SLC28A2: variants seen among roughly 807,000 people sequenced by gnomAD.
SLC28A2 encodes the protein sodium/nucleoside cotransporter 2.
Under a neutral mutation model 72.9 loss-of-function variants are expected in SLC28A2, and 69 were observed. The ratio of observed to expected loss-of-function variants is 0.95; its 90% CI spans 0.78 to 1.16. SLC28A2 has a LOEUF of 1.16. Among genes scored for constraint, SLC28A2 ranks in the 50% most tolerant of loss-of-function variants. The pLI, the probability that SLC28A2 is intolerant of heterozygous loss-of-function variation, is 0.00. For synonymous variants in SLC28A2, 296 were observed against 294.1 expected, an observed-to-expected ratio of 1.01 and a Z score of -0.07; for missense variants, 745 against 791.1, an observed-to-expected ratio of 0.94 and a Z score of 0.70.
chr15:45,254,502 C>T (rs1899911788), intron 3 of SLC28A2, among the ~76,000 whole-genome samples: 3 of 152,300 alleles, frequency 2.0e-5, no homozygotes, highest in Admixed American at 6.5e-5. Context: ...AACAGATTTG[C>T]AGCCTAAGAA....
chr15:45,262,778 G>C (rs1900201078), intron 4 of SLC28A2, among the ~76,000 whole-genome samples: 1 of 152,214 alleles, frequency 6.6e-6, no homozygotes, highest in Non-Finnish European at 1.5e-5. Flanking sequence ...GGGACAGAGA[G>C]AGGATATTAG....
At position 45,272,725 on chromosome 15, in the gene SLC28A2, C is replaced by T. The variant is rs779843472; in HGVS notation, c.1800C>T (p.Asn600=). Residue 600 remains asparagine, a synonymous_variant, in exon 17 of 18, where the codon AAC becomes AAT. Coordinates refer to ENST00000347644, the MANE Select transcript of SLC28A2 (RefSeq NM_004212.4). ...AAGCTGACTGTGTCTCCTTCCCAAACACAAGTTTCACCAATAGAACCTATG... is the reference window on the plus strand; with the variant it reads ...AAGCTGACTGTGTCTCCTTCCCAAATACAAGTTTCACCAATAGAACCTATG... The part of the protein sequence containing the change: ...GAEADCVSFP[N]TSFTNRTYET... 1 of 1,613,410 alleles carries T rather than the reference C, an allele frequency of 6.2e-7. No individual in the cohort carries two copies. The highest frequency in any genetic ancestry group is 8.5e-7 in the Non-Finnish European group (1 of 1,179,346).
intron 15 of SLC28A2, 143 bp downstream of exon 15, chr15:45,270,419 C>CT: frequency 3.0e-6 from 2 of 658,392 alleles, no homozygotes; most frequent in Non-Finnish European, 5.5e-6. Flanking sequence ...CTGCAGTTAA[C>CT]TTGGACCTAA....
intron 3 of SLC28A2, chr15:45,255,306 A>G (rs751948163): frequency 1.3e-5 from 2 of 152,020 alleles, no homozygotes; most frequent in Non-Finnish European, 2.9e-5. Context: ...TTTGCAATGA[A>G]TGTTGGTTAA....
chr15:45,274,722 T>C (rs1040930361), intron 17 of SLC28A2, among the ~76,000 whole-genome samples: 1 of 151,950 alleles, frequency 6.6e-6, no homozygotes, highest in African/African-American at 2.4e-5. Flanking sequence ...GGATTCATCA[T>C]TGCTCTGGCA....
rs186090209 is a variant in SLC28A2 at position 45,265,345 on chromosome 15, A to T, written c.780+179A>T. Among the ~76,000 whole-genome samples, 16 of 152,332 alleles carry T rather than the reference A, an allele frequency of 1.1e-4. No homozygotes were observed. In the East Asian group the frequency reaches 3.1e-3, roughly 29 times the overall value. ...TATCTTCTTCCCTGTGGTCATTGCC[A>T]TCATAAAATTAGATGAAATGAGAAT... On this transcript the variant is annotated intron_variant, in intron 8 of 17. Coordinates refer to ENST00000347644, the MANE Select transcript of SLC28A2 (RefSeq NM_004212.4).
At position 45,265,613 on chromosome 15, in the gene SLC28A2, G is replaced by A. The variant is rs528223412; in HGVS notation, c.811G>A (p.Val271Met). The A allele has an allele frequency of 1.9e-6, 3 of 1,613,654 alleles. No homozygotes were observed. Among genetic ancestry groups the A allele is most frequent in the African/African-American group, 2.7e-5 (2 of 75,014 alleles). ...ACCAATCATCATTTTCTTTGGATGTGTGGTGTCCATTCTCTACTACCTGGG... is the reference window on the plus strand; with the variant it reads ...ACCAATCATCATTTTCTTTGGATGTATGGTGTCCATTCTCTACTACCTGGG... The part of the protein sequence containing the change: ...ALPIIIFFGC[V>M]VSILYYLGLV... The change falls in exon 9 of 18, where the codon GTG becomes ATG. Residue 271 changes from valine to methionine, a missense_variant. By Grantham distance (21) the Val-to-Met change is conservative. Transcript: ENST00000347644.
At chr15:45,264,792 C>G in intron 7 of SLC28A2, 24 bp downstream of exon 7, 1 of 1,411,376 alleles carries the variant, frequency 7.1e-7, no homozygotes, top group Non-Finnish European at 1.0e-6. Context: ...AATGCGAGGG[C>G]TTTTCTCTTT....
intron 13 of SLC28A2, among the ~76,000 whole-genome samples, 166 bp downstream of exon 13, chr15:45,268,544 T>C (rs915761418): frequency 2.0e-5 from 3 of 152,100 alleles, no homozygotes; most frequent in East Asian, 1.9e-4. Context: ...TGTGGAGAAA[T>C]AGGAACACTT....
At chr15:45,269,216 C>A (rs892437741) in intron 13 of SLC28A2, 122 bp from the exon 14 acceptor site, 4 of 752,578 alleles carry the variant, frequency 5.3e-6, no homozygotes, top group African/African-American at 5.3e-5. Flanking sequence ...CCACAGTAAG[C>A]CAAGAGAGAG....
At chr15:45,275,307 T>A (rs760086017) in intron 17 of SLC28A2, 89 bp from the exon 18 acceptor site, 1 of 764,586 alleles carries the variant, frequency 1.3e-6, no homozygotes, top group East Asian at 2.5e-5. Flanking sequence ...TTTGTTTTTG[T>A]TTTCAGCTGC....
chr15:45,257,277 C>G (rs1206324057), intron 3 of SLC28A2, among the ~76,000 whole-genome samples: 1 of 152,198 alleles, frequency 6.6e-6, no homozygotes, highest in African/African-American at 2.4e-5. Flanking sequence ...ACTAAAAGGT[C>G]CCTTCTTTCT....
chr15:45,267,727 C>T lies in SLC28A2; in HGVS notation c.1130C>T (p.Ser377Leu). ...VMAAPCALAS[S>L]KLAYPEVEES... Reference sequence around the variant, plus strand: ...GCCGCCCCTTGTGCTCTCGCCTCATCAAAGCTAGCGTATCCGGAAGTGGAG... The same window carrying T: ...GCCGCCCCTTGTGCTCTCGCCTCATTAAAGCTAGCGTATCCGGAAGTGGAG... Residue 377 changes from serine to leucine, a missense_variant, in exon 12 of 18, where the codon TCA becomes TTA. Transcript: ENST00000347644. 3 of 1,614,000 alleles carry T rather than the reference C, an allele frequency of 1.9e-6. No homozygotes were observed. Among genetic ancestry groups the T allele is most frequent in the Middle Eastern group, 1.6e-4 (1 of 6,084 alleles).
At chr15:45,265,746 T>C (rs530503700) in intron 9 of SLC28A2, 83 bp downstream of exon 9, 3 of 934,916 alleles carry the variant, frequency 3.2e-6, no homozygotes, top group Admixed American at 1.8e-5. Flanking sequence ...ATAGCTAAGG[T>C]CTAGAGTGTT....
Position 45,263,168 on chromosome 15 carries a change from A to G in SLC28A2, c.370A>G (p.Lys124Glu). 6.2e-7 allele frequency: 1 copy of G among 1,614,026 alleles called. No homozygotes were observed. Among genetic ancestry groups the G allele is most frequent in the African/African-American group, 1.3e-5 (1 of 74,990 alleles). Residue 124 changes from lysine (K) to glutamate (E), a missense_variant, in exon 5 of 18, where the codon AAA becomes GAA. Coordinates refer to ENST00000347644, the MANE Select transcript of SLC28A2 (RefSeq NM_004212.4). ...CTTTGTCCTGGTTCACTCGTTTTTGAAAAAGCTCCTGGGCAAAAAATTAAC... is the reference window on the plus strand; with the variant it reads ...CTTTGTCCTGGTTCACTCGTTTTTGGAAAAGCTCCTGGGCAAAAAATTAAC... ...VIFVLVHSFLKKLLGKKLTRC... is the reference protein window; with the variant it reads ...VIFVLVHSFLEKLLGKKLTRC...
At chr15:45,263,315 T>A (rs1327710398) in intron 5 of SLC28A2, 71 bp downstream of exon 5, 1 of 1,481,204 alleles carries the variant, frequency 6.8e-7, no homozygotes, top group Non-Finnish European at 9.2e-7. Flanking sequence ...CTTTTGATAG[T>A]TGCTGAGCAG....
chr15:45,256,463 G>A (rs528189227), intron 3 of SLC28A2, among the ~76,000 whole-genome samples: 1 of 151,892 alleles, frequency 6.6e-6, no homozygotes, highest in African/African-American at 2.4e-5. Context: ...CATCCAGGCT[G>A]GAGTGCAGTG....
At chr15:45,253,318 C>T (rs1447928705) in intron 2 of SLC28A2, 22 bp downstream of exon 2, 6 of 1,595,866 alleles carry the variant, frequency 3.8e-6, no homozygotes, top group African/African-American at 1.3e-5. Flanking sequence ...TTTAGTTTCT[C>T]TCTGCAGAGC....
intron 3 of SLC28A2, among the ~76,000 whole-genome samples, chr15:45,258,889 T>C (rs892455843): frequency 8.5e-5 from 13 of 152,242 alleles, no homozygotes; most frequent in African/African-American, 3.1e-4. Context: ...CTATAGGGTA[T>C]GTGTAGGTTT....
Sources: allele counts gnomAD v4.1 joint callset (sites outside exome capture counted in the v4.1 genomes callset), GRCh38; gene constraint gnomAD v4.1.1; transcripts MANE v1.5; gene names NCBI Gene and HGNC (gene_info 2026-07-23, HGNC 2026-07-21).